Variants in ATF7 observed in about 807,000 individuals in gnomAD.
ATF7 encodes the protein activating transcription factor 7.
Under a neutral mutation model 50.4 loss-of-function variants are expected in ATF7, and 10 were observed. The ratio of observed to expected loss-of-function variants is 0.20; its 90% CI spans 0.12 to 0.34. The LOEUF (loss-of-function observed/expected upper bound fraction) is 0.34. Ranked by LOEUF, ATF7 falls within the 10% of genes least tolerant of loss-of-function variation. The pLI is 1.00. For synonymous variants in ATF7, 201 were observed against 226.4 expected (o/e 0.89, Z 1.01); for missense variants, 465 against 613.9 (o/e 0.76, Z 2.56).
At position 53,537,662 on chromosome 12, in the gene ATF7, T is replaced by C; in HGVS notation, c.265-110A>G. On this transcript the variant is annotated intron_variant, in intron 4 of 11. Coordinates refer to ENST00000420353, the MANE Select transcript of ATF7 (RefSeq NM_006856.3). ...AATATGCTTCTAAGAAGTTCTGCTC[T>C]TATACAATGCACTGAACTGCATGTC... 1.6e-6 allele frequency: 2 copies of C among 1,280,010 alleles called. 1 individual carries two copies. The highest frequency in any genetic ancestry group is 2.9e-5 in the South Asian group (2 of 68,458). The allele number at this position is 1,280,010 out of a possible 1,614,324, so 79.3% of individuals were successfully genotyped here. A position where few individuals can be genotyped will look rare whatever the true frequency, so the allele number is the denominator to read the frequency against.
At position 53,531,875 on chromosome 12, in the gene ATF7, G is replaced by A. The variant is rs779740185; in HGVS notation, c.796C>T (p.His266Tyr). ...AKMRLKATLT[H>Y]QVSSINGGCG... is the part of the protein sequence containing the mutation. ...CCACCATTGATTGAGGAGACTTGGT[G>A]AGTTAGGGTGGCTTTCAGTCTCTGT... The change falls in exon 9 of 12, where the codon CAC becomes TAC. Residue 266 changes from histidine (H) to tyrosine (Y), a missense_variant. Physicochemically the swap from His to Tyr is moderately conservative, Grantham distance 83 (BLOSUM62 2). Transcript: ENST00000420353. 1 of 1,613,738 alleles carries A rather than the reference G, an allele frequency of 6.2e-7. No individual in the cohort carries two copies. Among genetic ancestry groups the A allele is most frequent in the Admixed American group, 1.7e-5 (1 of 60,006 alleles).
At chr12:53,554,012 T>G (rs1017369942) in intron 2 of ATF7, among the ~76,000 whole-genome samples, 2 of 152,236 alleles carry the variant, frequency 1.3e-5, no homozygotes, top group Non-Finnish European at 2.9e-5. Context: ...CGATGGCTCA[T>G]GCCTGTAATT....
intron 2 of ATF7, 41 bp from the exon 3 acceptor site, chr12:53,552,678 A>G: frequency 1.3e-6 from 2 of 1,517,138 alleles, no homozygotes; most frequent in Non-Finnish European, 1.8e-6. Flanking sequence ...AAACAAAAAC[A>G]AAAACCCGAT....
intron 4 of ATF7, chr12:53,542,752 A>G (rs1939652522): frequency 4.2e-6 from 1 of 237,312 alleles, no homozygotes; most frequent in South Asian, 1.5e-4. Flanking sequence ...CCGAAGTGAC[A>G]TAGTTTATAG....
intron 3 of ATF7, among the ~76,000 whole-genome samples, chr12:53,546,220 C>A (rs1939896112): frequency 6.6e-6 from 1 of 151,592 alleles, no homozygotes; most frequent in Non-Finnish European, 1.5e-5. Context: ...AACAAACAAA[C>A]AAAAAACAAC....
chr12:53,587,667 C>T (rs756776229), intron 2 of ATF7, among the ~76,000 whole-genome samples: 2 of 139,546 alleles, frequency 1.4e-5, no homozygotes, highest in Non-Finnish European at 3.1e-5. Context: ...AGTGATAGAG[C>T]GATCAAAAAA....
chr12:53,618,729 T>C (rs1944250729), intron 1 of ATF7, among the ~76,000 whole-genome samples: 1 of 151,856 alleles, frequency 6.6e-6, no homozygotes, highest in African/African-American at 2.4e-5. Flanking sequence ...GTGTTTATAG[T>C]TGGTATAGGT....
chr12:53,559,960 T>A lies in ATF7; in HGVS notation c.49-7323A>T, dbSNP rs536934573. On this transcript the variant is annotated intron_variant, in intron 2 of 11. Transcript: ENST00000420353. ...TTATTGAGATGGAGTTTCGCTCTTG[T>A]TGCCCAGGCTGGAGTGCAATGGTGT... Among the ~76,000 whole-genome samples the A allele has an allele frequency of 2.6e-5, 4 of 152,280 alleles. No individual in the cohort carries two copies. In the South Asian group the frequency reaches 8.3e-4, roughly 32 times the overall value.
At chr12:53,612,592 T>A (rs1395783527) in intron 1 of ATF7, among the ~76,000 whole-genome samples, 7 of 152,158 alleles carry the variant, frequency 4.6e-5, no homozygotes, top group Admixed American at 4.6e-4. Context: ...TCAAGGTTGG[T>A]GCTCTAAGAC....
intron 1 of ATF7, among the ~76,000 whole-genome samples, chr12:53,605,311 C>G (rs368503846): frequency 1.3e-5 from 2 of 151,424 alleles, no homozygotes; most frequent in African/African-American, 4.9e-5. Flanking sequence ...ATTGCTTGAA[C>G]CCAGGAGGCA....
At chr12:53,571,254 G>A (rs907407493) in intron 2 of ATF7, among the ~76,000 whole-genome samples, 2 of 152,126 alleles carry the variant, frequency 1.3e-5, no homozygotes, top group Admixed American at 1.3e-4. Flanking sequence ...GGAGGATACG[G>A]TCCTCTTTAA....
chr12:53,602,274 A>C (rs1031994039), intron 1 of ATF7, among the ~76,000 whole-genome samples: 1 of 152,336 alleles, frequency 6.6e-6, no homozygotes, highest in East Asian at 1.9e-4. Context: ...ACTGTAACCA[A>C]ATTTCAAATT....
rs1448130009 is a variant in ATF7 at position 53,514,454 on chromosome 12, T to C, written c.*2683A>G. On this transcript the variant is annotated 3_prime_UTR_variant, in exon 12 of 12. Transcript: ENST00000420353. ...CTGGAAGACAAAGATTTGGGGAGAG[T>C]GACCACATGGCTGGTAGCAATAACA... is the stretch of plus-strand genomic sequence containing the variant. The C allele has an allele frequency of 6.6e-6, 1 of 151,984 alleles. No homozygotes were observed. Among genetic ancestry groups the C allele is most frequent in the Non-Finnish European group, 1.5e-5 (1 of 67,984 alleles). The allele number at this position is 151,984 out of a possible 1,614,324, so 9.4% of individuals were successfully genotyped here.
intron 2 of ATF7, 57 bp downstream of exon 2, chr12:53,600,896 A>C (rs929606086): frequency 6.4e-7 from 1 of 1,564,644 alleles, no homozygotes. Flanking sequence ...CTTAGTGATA[A>C]AACAGCCACT....
chr12:53,536,464 A>T (rs1939227448), intron 5 of ATF7, among the ~76,000 whole-genome samples: 1 of 151,726 alleles, frequency 6.6e-6, no homozygotes, highest in Non-Finnish European at 1.5e-5. Flanking sequence ...TTTGGTAGAG[A>T]TGGGGTTTCA....
At position 53,534,637 on chromosome 12, in the gene ATF7, A is replaced by G. The variant is rs1939113385; in HGVS notation, c.425T>C (p.Leu142Pro). Residue 142 changes from leucine to proline, a missense_variant, in exon 6 of 12, where the codon CTG (leucine) becomes CCG (proline). By Grantham distance (98) the Leu-to-Pro change is moderately conservative (BLOSUM62 -3). Coordinates refer to ENST00000420353, the MANE Select transcript of ATF7 (RefSeq NM_006856.3). The part of the protein sequence containing the change: ...KEKEVTPKPV[L>P]ISTPTPTIVR... ...AATGGTGGGTGTGGGGGTAGAGATCAGAACAGGCTTTGGGGTAACCTCCTG... is the reference window on the plus strand; with the variant it reads ...AATGGTGGGTGTGGGGGTAGAGATCGGAACAGGCTTTGGGGTAACCTCCTG... The G allele has an allele frequency of 1.2e-6, 2 of 1,612,480 alleles. No homozygotes were observed. The highest frequency in any genetic ancestry group is 1.7e-6 in the Non-Finnish European group (2 of 1,179,474).
At chr12:53,542,551 C>T (rs549019249) in intron 4 of ATF7, among the ~76,000 whole-genome samples, 22 of 152,252 alleles carry the variant, frequency 1.4e-4, no homozygotes, top group African/African-American at 4.3e-4. Flanking sequence ...TTCAGCCTCC[C>T]GAGTAGCTAG....
intron 2 of ATF7, among the ~76,000 whole-genome samples, chr12:53,564,554 T>C (rs919452724): frequency 6.6e-6 from 1 of 152,204 alleles, no homozygotes; most frequent in Non-Finnish European, 1.5e-5. Flanking sequence ...AATATGAGCA[T>C]ATGAGCATCT....
Position 53,517,096 on chromosome 12 carries a change from CG to C in ATF7, c.*40del. 6.3e-7 allele frequency: 1 copy of C among 1,593,924 alleles called. No homozygotes were observed. Among genetic ancestry groups the C allele is most frequent in the Non-Finnish European group, 8.5e-7 (1 of 1,171,996 alleles). Reference sequence around the variant, plus strand: ...GATGACATCTCTCTTGGCTCTTGGGCGGGCGAGCTCTGGCTGAGGACCTCTC... The same window carrying C: ...GATGACATCTCTCTTGGCTCTTGGGCGGCGAGCTCTGGCTGAGGACCTCTC... On this transcript the variant is annotated 3_prime_UTR_variant, in exon 12 of 12. Transcript: ENST00000420353.
Sources: allele counts gnomAD v4.1 joint callset (sites outside exome capture counted in the v4.1 genomes callset), GRCh38; gene constraint gnomAD v4.1.1; transcripts MANE v1.5; gene names NCBI Gene and HGNC (gene_info 2026-07-23, HGNC 2026-07-21).